KLHL5: variants seen among roughly 807,000 people sequenced by gnomAD.
KLHL5 encodes the protein kelch like family member 5.
A neutral mutation model predicts 77.7 loss-of-function variants in KLHL5; 48 were observed. The ratio of observed to expected loss-of-function variants is 0.62; its 90% confidence interval spans 0.49 to 0.79. The LOEUF (loss-of-function observed/expected upper bound fraction) is 0.79. Ranked by LOEUF, KLHL5 falls within the 30% of genes least tolerant of loss-of-function variation. The probability of loss-of-function intolerance (pLI) is 0.00; values close to 1 mark genes in which losing one functional copy is unlikely to be tolerated. For synonymous variants in KLHL5, 260 were observed against 297.0 expected (o/e 0.88, Z 1.28); for missense variants, 723 against 859.7 (o/e 0.84, Z 1.99).
rs1723531128 is a variant in KLHL5 at position 39,126,145 on chromosome 4, C to A, written c.*5079C>A. ...GTTTTCTGAAAGTTGAAATAGACATCTTTTCATGAACTCTGTAATATTTGA... is the reference window on the plus strand; with the variant it reads ...GTTTTCTGAAAGTTGAAATAGACATATTTTCATGAACTCTGTAATATTTGA... On this transcript the variant is annotated 3_prime_UTR_variant, in exon 11 of 11. Transcript: ENST00000504108. 6.6e-6 allele frequency among the ~76,000 whole-genome samples: 1 copy of A among 152,140 alleles called. No homozygotes were observed. The highest frequency in any genetic ancestry group is 2.4e-5 in the African/African-American group (1 of 41,450).
the KLHL5 span, among the ~76,000 whole-genome samples, chr4:39,133,622 G>A: frequency 6.6e-6 from 1 of 150,906 alleles, no homozygotes; most frequent in African/African-American, 2.4e-5. Flanking sequence ...CTGTAGTAAG[G>A]CAAAGTTCCC....
At chr4:39,051,489 G>T (rs556374210) in intron 1 of KLHL5, among the ~76,000 whole-genome samples, 1 of 152,156 alleles carries the variant, frequency 6.6e-6, no homozygotes, top group Non-Finnish European at 1.5e-5. Context: ...AAATGAAGGG[G>T]TTTTCTTGGG....
At chr4:39,055,444 T>C (rs971391914) in intron 1 of KLHL5, among the ~76,000 whole-genome samples, 1 of 152,242 alleles carries the variant, frequency 6.6e-6, no homozygotes, top group Admixed American at 6.5e-5. Flanking sequence ...GTGGAAATCA[T>C]AGATGATGGA....
At chr4:39,101,911 C>CAT (rs1359643202) in intron 6 of KLHL5, among the ~76,000 whole-genome samples, 18 of 142,938 alleles carry the variant, frequency 1.3e-4, no homozygotes, top group South Asian at 4.4e-4. Context: ...CACACACACA[C>CAT]ATATATATAT....
At chr4:39,141,475 ATAATT>A in the KLHL5 span, among the ~76,000 whole-genome samples, 1 of 151,994 alleles carries the variant, frequency 6.6e-6, no homozygotes, top group African/African-American at 2.4e-5. Context: ...CGCCAGGCTA[ATAATT>A]TTTTGTATTT....
intron 1 of KLHL5, among the ~76,000 whole-genome samples, chr4:39,054,779 T>G (rs1337386928): frequency 6.6e-6 from 1 of 152,204 alleles, no homozygotes; most frequent in African/African-American, 2.4e-5. Flanking sequence ...AGGCACACTC[T>G]TCTGCTGTAA....
At chr4:39,072,672 C>A (rs566888106) in intron 1 of KLHL5, among the ~76,000 whole-genome samples, 1 of 152,262 alleles carries the variant, frequency 6.6e-6, no homozygotes, top group South Asian at 2.1e-4. Flanking sequence ...CTAGAAACTT[C>A]CTAAAATGTG....
the KLHL5 span, among the ~76,000 whole-genome samples, chr4:39,137,220 G>A: frequency 2.0e-5 from 3 of 151,952 alleles, no homozygotes; most frequent in Non-Finnish European, 4.4e-5. Flanking sequence ...GACAGATATA[G>A]ACCAACAGAT....
intron 5 of KLHL5, among the ~76,000 whole-genome samples, chr4:39,088,347 C>T (rs188301934): frequency 4.1e-4 from 63 of 152,154 alleles, no homozygotes; most frequent in African/African-American, 1.4e-3. Context: ...ACCTGTTGTA[C>T]AAATGAAGTG....
intron 8 of KLHL5, among the ~76,000 whole-genome samples, chr4:39,111,487 T>C (rs142247079): frequency 6.6e-6 from 1 of 152,272 alleles, no homozygotes; most frequent in Non-Finnish European, 1.5e-5. Flanking sequence ...TAAAGCCTAT[T>C]GTGTGTGGGT....
Position 39,062,326 on chromosome 4 carries a change from T to G in KLHL5, c.-327T>G. 5.0e-6 allele frequency: 7 copies of G among 1,401,396 alleles called. No homozygotes were observed. Among genetic ancestry groups the G allele is most frequent in the Non-Finnish European group, 5.5e-6 (6 of 1,082,864 alleles). 86.8% of individuals were successfully genotyped at this position (1,401,396 alleles called of 1,614,324 possible). On this transcript the variant is annotated 5_prime_UTR_variant, in exon 1 of 11. Transcript: ENST00000504108. The stretch of plus-strand genomic sequence containing the variant: ...TTTGAAAGGACTTTAATGAATGCTG[T>G]CAGTGTTTGTGAGACCTAATGGTCA...
In KLHL5 at chr4:39,091,842, GTTTTTTTTTTTTTT is replaced by G. The variant is rs372831946; in HGVS notation, c.1114-4839_1114-4826del. 5.7e-5 allele frequency among the ~76,000 whole-genome samples: 3 copies of G among 52,428 alleles called. No individual in the cohort carries two copies. In the South Asian group the frequency reaches 2.6e-3, roughly 45 times the overall value. The allele number at this position is 52,428 out of a possible 152,430, so 34.4% of individuals were successfully genotyped here. A position where few individuals can be genotyped will look rare whatever the true frequency, so the allele number is the denominator to read the frequency against. On this transcript the variant is annotated intron_variant, in intron 5 of 10. Transcript: ENST00000504108. ...CTGTGCCCCATCACACATCTGACTAGTTTTTTTTTTTTTTTTTTTTTTTTGTAGAGACAGCGTCT... is the reference window on the plus strand; with the variant it reads ...CTGTGCCCCATCACACATCTGACTAGTTTTTTTTTTGTAGAGACAGCGTCT...
the KLHL5 span, among the ~76,000 whole-genome samples, chr4:39,136,805 G>A: frequency 6.6e-6 from 1 of 152,192 alleles, no homozygotes; most frequent in Non-Finnish European, 1.5e-5. Context: ...AGTTAGCCAG[G>A]GCCCAGGGAG....
chr4:39,114,867 C>G (rs1202903896), intron 9 of KLHL5, among the ~76,000 whole-genome samples: 1 of 152,166 alleles, frequency 6.6e-6, no homozygotes, highest in African/African-American at 2.4e-5. Context: ...TTACACAGAG[C>G]TTAATGCATT....
At position 39,103,298 on chromosome 4, in the gene KLHL5, A is replaced by T; in HGVS notation, c.1312A>T (p.Ile438Phe). 6.2e-7 allele frequency: 1 copy of T among 1,612,538 alleles called. No individual in the cohort carries two copies. The highest frequency in any genetic ancestry group is 8.5e-7 in the Non-Finnish European group (1 of 1,179,188). The change falls in exon 7 of 11, where the codon ATT becomes TTT. Residue 438 changes from isoleucine (I) to phenylalanine (F), a missense_variant. By Grantham distance (21) the Ile-to-Phe change is conservative. Coordinates refer to ENST00000504108, the MANE Select transcript of KLHL5 (RefSeq NM_015990.5). The part of the protein sequence containing the change: ...GMDSTKGATS[I>F]EKYDLRTNMW... Reference sequence around the variant, plus strand: ...ATATTACTATGAAGGAGCAACAAGCATTGAAAAGTATGATCTCCGTACAAA... The same window carrying T: ...ATATTACTATGAAGGAGCAACAAGCTTTGAAAAGTATGATCTCCGTACAAA...
At chr4:39,138,973 A>C in the KLHL5 span, among the ~76,000 whole-genome samples, 1 of 152,188 alleles carries the variant, frequency 6.6e-6, no homozygotes, top group Non-Finnish European at 1.5e-5. Context: ...ACATCACCTT[A>C]ATTAAGTCAT....
upstream of KLHL5, among the ~76,000 whole-genome samples, chr4:39,060,027 A>G (rs1220630224): frequency 6.6e-6 from 1 of 152,158 alleles, no homozygotes; most frequent in African/African-American, 2.4e-5. Context: ...AAACCCAAAA[A>G]CCTGAAATCA....
At chr4:39,065,607 G>A (rs971223108) in intron 1 of KLHL5, among the ~76,000 whole-genome samples, 3 of 151,926 alleles carry the variant, frequency 2.0e-5, no homozygotes, top group East Asian at 1.9e-4. Flanking sequence ...GCCCACGTCC[G>A]CCTCCCAAAG....
At chr4:39,050,915 C>T (rs1716590844) in intron 1 of KLHL5, among the ~76,000 whole-genome samples, 1 of 152,220 alleles carries the variant, frequency 6.6e-6, no homozygotes, top group African/African-American at 2.4e-5. Flanking sequence ...CCATTGTAAT[C>T]CTTTCATCCA....
Sources: gnomAD v4.1 joint callset for allele counts (sites outside exome capture counted in the v4.1 genomes callset) on GRCh38, gnomAD v4.1.1 for gene constraint, MANE v1.5 for transcripts, NCBI Gene and HGNC (gene_info 2026-07-23, HGNC 2026-07-21) for gene names.